The following AKR1A1 variants were observed in gnomAD, a reference collection of about 807,000 sequenced individuals.
AKR1A1 encodes the protein aldo-keto reductase family 1 member A1.
A neutral mutation model predicts 39.2 loss-of-function variants in AKR1A1; 26 were observed. The ratio of observed to expected loss-of-function variants is 0.66; its 90% CI spans 0.49 to 0.92. AKR1A1 has a LOEUF of 0.92. Among genes scored for constraint, AKR1A1 ranks in the 40% least tolerant of loss-of-function variants. AKR1A1 has a pLI of 0.00. For synonymous variants in AKR1A1, 141 were observed against 155.5 expected, an observed-to-expected ratio of 0.91 and a Z score of 0.69; for missense variants, 378 against 406.5, an observed-to-expected ratio of 0.93 and a Z score of 0.60.
At chr1:45,553,637 T>A (rs879552089) in intron 1 of AKR1A1, among the ~76,000 whole-genome samples, 1 of 152,192 alleles carries the variant, frequency 6.6e-6, no homozygotes, top group Non-Finnish European at 1.5e-5. Context: ...AAAACCCAGC[T>A]AAACTGACAA....
chr1:45,567,177 C>CTA, intron 4 of AKR1A1, 157 bp downstream of exon 4: 1 of 1,015,342 alleles, frequency 9.8e-7, no homozygotes, highest in Non-Finnish European at 1.4e-6. Flanking sequence ...TCTGCTACAG[C>CTA]AGCTTAGCTG....
rs957556536 is a variant in AKR1A1 at position 45,562,330 on chromosome 1, AT to A, written c.84+477del. On this transcript the variant is annotated intron_variant, in intron 2 of 8. Transcript: ENST00000351829. ...TATTGTATAGACCAAAGGTCAGCAA[AT>A]TTTTTTTTTTTTTTTTTTTTTTTTA... 9.5e-3 allele frequency among the ~76,000 whole-genome samples: 1,251 copies of A among 132,212 alleles called. 9 individuals carry two copies. The highest frequency in any genetic ancestry group is 0.025 in the African/African-American group (863 of 34,968). The allele number at this position is 132,212 out of a possible 152,430, so 86.7% of individuals were successfully genotyped here.
chr1:45,556,566 G>C (rs1161883814), intron 1 of AKR1A1, among the ~76,000 whole-genome samples: 2 of 148,762 alleles, frequency 1.3e-5, no homozygotes, highest in African/African-American at 5.0e-5. Flanking sequence ...GGGTGACGGA[G>C]CAAGACTCCG....
intron 1 of AKR1A1, among the ~76,000 whole-genome samples, chr1:45,553,420 C>CA (rs11447675): frequency 0.48 from 70,333 of 147,540 alleles, 16,576 homozygotes; most frequent in East Asian, 0.62. Context: ...GACTCTGTCT[C>CA]AAAAAAAAAA....
At chr1:45,562,760 T>G (rs1644294869) in intron 2 of AKR1A1, among the ~76,000 whole-genome samples, 1 of 152,058 alleles carries the variant, frequency 6.6e-6, no homozygotes, top group Admixed American at 6.5e-5. Flanking sequence ...TCCACCTGCC[T>G]TGGCCTCCCA....
At position 45,569,918 on chromosome 1, in the gene AKR1A1, G is replaced by T; in HGVS notation, c.940G>T (p.Ala314Ser). ...TVDGKRVPRDAGHPLYPFNDP... is the reference protein window; with the variant it reads ...TVDGKRVPRDSGHPLYPFNDP... ...GGATGGGAAGAGAGTCCCAAGGGATGCAGGGCATCCTCTGTACCCCTTTAA... is the reference window on the plus strand; with the variant it reads ...GGATGGGAAGAGAGTCCCAAGGGATTCAGGGCATCCTCTGTACCCCTTTAA... The change falls in exon 9 of 9, where the codon GCA (alanine) becomes TCA (serine). Residue 314 changes from alanine (A) to serine (S), a missense_variant. Physicochemically the swap from Ala to Ser is moderately conservative, Grantham distance 99 (BLOSUM62 1). Transcript: ENST00000351829. The T allele has an allele frequency of 6.2e-7, 1 of 1,614,176 alleles. No individual in the cohort carries two copies. The highest frequency in any genetic ancestry group is 8.5e-7 in the Non-Finnish European group (1 of 1,180,014).
At chr1:45,557,185 T>C (rs1456964284) in intron 1 of AKR1A1, among the ~76,000 whole-genome samples, 2 of 152,028 alleles carry the variant, frequency 1.3e-5, no homozygotes, top group African/African-American at 2.4e-5. Context: ...AATGAAACTC[T>C]ATCTCAAAAA....
intron 1 of AKR1A1, among the ~76,000 whole-genome samples, chr1:45,554,593 A>G (rs754188216): frequency 6.6e-6 from 1 of 152,222 alleles, no homozygotes; most frequent in East Asian, 1.9e-4. Flanking sequence ...AGAAAAGTAC[A>G]GGAGAAAATA....
chr1:45,558,259 C>T (rs1322692308), intron 1 of AKR1A1, among the ~76,000 whole-genome samples: 2 of 151,694 alleles, frequency 1.3e-5, no homozygotes, highest in African/African-American at 2.4e-5. Context: ...GACAGGGTCT[C>T]GCTCTGTTAC....
intron 1 of AKR1A1, among the ~76,000 whole-genome samples, chr1:45,554,781 C>T (rs1570889793): frequency 6.6e-6 from 1 of 152,252 alleles, no homozygotes; most frequent in East Asian, 1.9e-4. Flanking sequence ...ACCTCTGCCC[C>T]CCAGGCTCAA....
chr1:45,566,813 G>A (rs936678637), intron 3 of AKR1A1, 56 bp from the exon 4 acceptor site: 2 of 1,599,962 alleles, frequency 1.3e-6, no homozygotes, highest in African/African-American at 1.3e-5. Context: ...AGTTGAGGGT[G>A]GGTGAGACCA....
chr1:45,566,458 G>A (rs1352005912), intron 2 of AKR1A1, 111 bp from the exon 3 acceptor site: 1 of 1,495,054 alleles, frequency 6.7e-7, no homozygotes, highest in East Asian at 2.3e-5. Flanking sequence ...CCACTGCATA[G>A]ATGTGCCTGT....
intron 6 of AKR1A1, 35 bp downstream of exon 6, chr1:45,568,719 G>T: frequency 6.2e-7 from 1 of 1,610,002 alleles, no homozygotes; most frequent in Non-Finnish European, 8.5e-7. Flanking sequence ...GCCCTGGGTT[G>T]GGAGGCAAGG....
At chr1:45,560,307 A>G (rs1474731216) in intron 1 of AKR1A1, among the ~76,000 whole-genome samples, 2 of 152,002 alleles carry the variant, frequency 1.3e-5, no homozygotes, top group Non-Finnish European at 2.9e-5. Context: ...CTTTGAGCCT[A>G]TTTTCTCAAC....
intron 8 of AKR1A1, 47 bp downstream of exon 8, chr1:45,569,276 G>C (rs770568938): frequency 2.7e-5 from 41 of 1,528,668 alleles, no homozygotes; most frequent in Non-Finnish European, 3.5e-5. Flanking sequence ...GAGATTTGGG[G>C]TGGGATTCTG....
Position 45,557,912 on chromosome 1 carries a change from C to CTTTTTTTTTTTTTTTTTTTT in AKR1A1, c.-6-3862_-6-3861insTTTTTTTTTTTTTTTTTTTT, listed in dbSNP as rs67386168. 1.2e-4 allele frequency among the ~76,000 whole-genome samples: 14 copies of CTTTTTTTTTTTTTTTTTTTT among 112,228 alleles called. 4 individuals are homozygous for CTTTTTTTTTTTTTTTTTTTT. The highest frequency in any genetic ancestry group is 5.8e-4 in the South Asian group (2 of 3,432). 73.6% of individuals were successfully genotyped at this position (112,228 alleles called of 152,430 possible). A position where few individuals can be genotyped will look rare whatever the true frequency, so the allele number is the denominator to read the frequency against. On this transcript the variant is annotated intron_variant, in intron 1 of 8. Transcript: ENST00000351829. ...TGTACTGGCTTTACTCACAACTTGTCTTTTTTTTTTTTTTTGAGATGGAGC... is the reference window on the plus strand; with the variant it reads ...TGTACTGGCTTTACTCACAACTTGTCTTTTTTTTTTTTTTTTTTTTTTTTTTTTTTTTTTTGAGATGGAGC...
At chr1:45,561,217 T>C (rs1440038999) in intron 1 of AKR1A1, among the ~76,000 whole-genome samples, 1 of 152,134 alleles carries the variant, frequency 6.6e-6, no homozygotes, top group African/African-American at 2.4e-5. Flanking sequence ...TGTTTTTAGA[T>C]AGTGCAGTTC....
rs757813969 is a variant in AKR1A1 at position 45,569,928 on chromosome 1, C to T, written c.950C>T (p.Pro317Leu). The T allele has an allele frequency of 1.5e-5, 25 of 1,614,018 alleles. No homozygotes were observed. The East Asian group carries it at 5.3e-4, about 35-fold the overall frequency. ...GKRVPRDAGH[P>L]LYPFNDPY ...AGAGTCCCAAGGGATGCAGGGCATCCTCTGTACCCCTTTAATGACCCGTAC... is the reference window on the plus strand; with the variant it reads ...AGAGTCCCAAGGGATGCAGGGCATCTTCTGTACCCCTTTAATGACCCGTAC... Residue 317 changes from proline to leucine, a missense_variant, in exon 9 of 9, where the codon CCT becomes CTT. By Grantham distance (98) the Pro-to-Leu change is moderately conservative. Transcript: ENST00000351829.
chr1:45,553,519 C>A (rs142859268), intron 1 of AKR1A1, among the ~76,000 whole-genome samples: 57 of 152,224 alleles, frequency 3.7e-4, no homozygotes, highest in African/African-American at 1.4e-3. Context: ...TTTTAAAATT[C>A]TTTTCACATA....
Sources: allele counts gnomAD v4.1 joint callset (sites outside exome capture counted in the v4.1 genomes callset), GRCh38; gene constraint gnomAD v4.1.1; transcripts MANE v1.5; gene names NCBI Gene and HGNC (gene_info 2026-07-23, HGNC 2026-07-21).